SLC23A2: variants seen among roughly 807,000 people sequenced by gnomAD.
The protein encoded by SLC23A2 is solute carrier family 23 member 2, also known as Na(+)/L-ascorbic acid transporter 2.
Under a neutral mutation model 73.3 loss-of-function variants are expected in SLC23A2, and 36 were observed. The observed-to-expected ratio is 0.49, with a 90% CI of 0.38 to 0.65. SLC23A2 has a LOEUF of 0.65. Among genes scored for constraint, SLC23A2 ranks in the 30% least tolerant of loss-of-function variants. The pLI is 0.00. For synonymous variants in SLC23A2, 343 were observed against 327.3 expected, an observed-to-expected ratio of 1.05 and a Z score of -0.52; for missense variants, 507 against 841.6, an observed-to-expected ratio of 0.60 and a Z score of 4.92.
intron 6 of SLC23A2, among the ~76,000 whole-genome samples, chr20:4,889,612 A>C (rs1433548175): frequency 6.6e-6 from 1 of 151,174 alleles, no homozygotes. Flanking sequence ...GCCAGCCTGA[A>C]TCAGATCTCC....
At chr20:4,924,306 C>CA (rs912560221) in intron 3 of SLC23A2, among the ~76,000 whole-genome samples, 1 of 152,192 alleles carries the variant, frequency 6.6e-6, no homozygotes, top group African/African-American at 2.4e-5. Flanking sequence ...CCTCTGGAGT[C>CA]AGAGTTTCTC....
chr20:4,859,418 C>T (rs777671946), intron 15 of SLC23A2, 34 bp from the exon 16 acceptor site: 32 of 1,429,548 alleles, frequency 2.2e-5, no homozygotes, highest in Non-Finnish European at 3.1e-5. Context: ...ACGATCAGTG[C>T]CACAGCAGCG....
intron 1 of SLC23A2, among the ~76,000 whole-genome samples, chr20:4,989,936 G>C (rs907923111): frequency 2.0e-5 from 3 of 152,082 alleles, no homozygotes; most frequent in South Asian, 2.1e-4. Flanking sequence ...ACACACCAAA[G>C]GACTCCACTT....
chr20:4,877,530 T>C (rs562268588), intron 9 of SLC23A2, among the ~76,000 whole-genome samples: 40 of 152,278 alleles, frequency 2.6e-4, no homozygotes, highest in Admixed American at 4.6e-4. Context: ...TATAAAAATA[T>C]GTAAGGATAA....
chr20:4,929,955 T>G (rs190883798), intron 3 of SLC23A2, among the ~76,000 whole-genome samples: 3 of 152,076 alleles, frequency 2.0e-5, no homozygotes, highest in Non-Finnish European at 4.4e-5. Flanking sequence ...AAGACTAAGA[T>G]GGTGACCATC....
intron 6 of SLC23A2, among the ~76,000 whole-genome samples, chr20:4,895,740 A>T (rs1018782929): frequency 2.6e-5 from 4 of 152,140 alleles, no homozygotes; most frequent in African/African-American, 7.2e-5. Context: ...CCAAAATCTG[A>T]CTTTCACTTG....
At chr20:4,994,600 C>T (rs774501941) in intron 1 of SLC23A2, among the ~76,000 whole-genome samples, 19 of 151,892 alleles carry the variant, frequency 1.3e-4, no homozygotes, top group African/African-American at 3.6e-4. Context: ...CTGAACAATA[C>T]GGTGAAACCC....
intron 8 of SLC23A2, 126 bp downstream of exon 8, chr20:4,884,627 A>G: frequency 1.4e-6 from 1 of 730,044 alleles, no homozygotes; most frequent in Non-Finnish European, 2.5e-6. Flanking sequence ...CAAGAGAAAT[A>G]AACTATCAGT....
rs770041930 is a variant in SLC23A2 at position 4,902,421 on chromosome 20, A to G, written c.324+21T>C. 1 of 1,300,188 alleles carries G rather than the reference A, an allele frequency of 7.7e-7. No individual in the cohort carries two copies. The highest frequency in any genetic ancestry group is 1.2e-5 in the South Asian group (1 of 80,032). 80.5% of individuals were successfully genotyped at this position (1,300,188 alleles called of 1,614,324 possible). On this transcript the variant is annotated intron_variant, in intron 5 of 16. Transcript: ENST00000338244. The surrounding 1 kb of genome is among the most constrained non-coding windows in gnomAD (Gnocchi z 4.0). ...TGCAAACACCTGCTGGTAGTTACAC[A>G]TCCTACAGGAACCATCTTACCTGTA... is the stretch of plus-strand genomic sequence containing the variant.
rs1487909813 is a variant in SLC23A2 at position 4,958,790 on chromosome 20, A to G, written c.-155+12003T>C. On this transcript the variant is annotated intron_variant, in intron 2 of 16. Coordinates refer to ENST00000338244, the MANE Select transcript of SLC23A2 (RefSeq NM_005116.6). The stretch of plus-strand genomic sequence containing the variant: ...TTTACTATTTGGTTACCCTAACACA[A>G]TGCTCTGATTTTGAATTAAAGAGAA... Among the ~76,000 whole-genome samples, 41 of 152,120 alleles carry G rather than the reference A, an allele frequency of 2.7e-4. 1 individual carries two copies. Among genetic ancestry groups the G allele is most frequent in the Admixed American group, 2.7e-3 (41 of 15,262 alleles).
At chr20:4,878,808 GTTC>G (rs1329548482) in intron 9 of SLC23A2, among the ~76,000 whole-genome samples, 3 of 152,160 alleles carry the variant, frequency 2.0e-5, no homozygotes, top group Non-Finnish European at 4.4e-5. Context: ...TTCTGTTTCT[GTTC>G]TTCTTACTCT....
Position 4,870,069 on chromosome 20 carries a change from A to T in SLC23A2, c.1103-16T>A, listed in dbSNP as rs1191581646. On this transcript the variant is annotated splice_polypyrimidine_tract_variant and intron_variant, in intron 11 of 16. Transcript: ENST00000338244. ...CCCCACTGAACTGTGGGAGGAAAACAACCATGAATGCTCCTAGAGAGGCAG... is the reference window on the plus strand; with the variant it reads ...CCCCACTGAACTGTGGGAGGAAAACTACCATGAATGCTCCTAGAGAGGCAG... 7 of 1,581,190 alleles carry T rather than the reference A, an allele frequency of 4.4e-6. No homozygotes were observed. The highest frequency in any genetic ancestry group is 5.2e-6 in the Non-Finnish European group (6 of 1,163,286).
chr20:4,870,716 G>C (rs1156313050), intron 11 of SLC23A2, among the ~76,000 whole-genome samples: 3 of 152,186 alleles, frequency 2.0e-5, no homozygotes, highest in Non-Finnish European at 4.4e-5. Flanking sequence ...ATTTGTATGA[G>C]GGATTTATAG....
At chr20:4,934,727 G>C (rs373248701) in intron 2 of SLC23A2, among the ~76,000 whole-genome samples, 87 of 152,248 alleles carry the variant, frequency 5.7e-4, no homozygotes, top group African/African-American at 2.0e-3. Context: ...GCCAGGCGTG[G>C]TGGCAGGCGC....
intron 11 of SLC23A2, among the ~76,000 whole-genome samples, chr20:4,871,613 G>C (rs189912156): frequency 6.6e-6 from 1 of 152,324 alleles, no homozygotes; most frequent in African/African-American, 2.4e-5. Context: ...TAAGCCTGGA[G>C]TGCGGTTAAG....
At chr20:4,878,157 T>C (rs777179718) in intron 9 of SLC23A2, among the ~76,000 whole-genome samples, 3 of 152,142 alleles carry the variant, frequency 2.0e-5, no homozygotes, top group Non-Finnish European at 2.9e-5. Flanking sequence ...TTAGGGATGT[T>C]AGCCTTTCTT....
chr20:4,895,433 T>C (rs1931483372), intron 6 of SLC23A2, among the ~76,000 whole-genome samples: 1 of 152,220 alleles, frequency 6.6e-6, no homozygotes, highest in South Asian at 2.1e-4. Flanking sequence ...TGGATCTATC[T>C]AAGCAACTAG....
chr20:4,989,998 A>T (rs1037833630), intron 1 of SLC23A2, among the ~76,000 whole-genome samples: 2 of 152,062 alleles, frequency 1.3e-5, no homozygotes, highest in Non-Finnish European at 2.9e-5. Context: ...AAGAAATACT[A>T]CTACTTCCAA....
At chr20:4,961,767 T>C (rs2122185428) in intron 2 of SLC23A2, among the ~76,000 whole-genome samples, 1 of 152,282 alleles carries the variant, frequency 6.6e-6, no homozygotes, top group South Asian at 2.1e-4. Flanking sequence ...ACATCACTTC[T>C]AAAATATTGT....
Sources: gnomAD v4.1 joint callset for allele counts (sites outside exome capture counted in the v4.1 genomes callset) on GRCh38, gnomAD v4.1.1 for gene constraint, Gnocchi (gnomAD v3.1) non-coding constraint, MANE v1.5 for transcripts, NCBI Gene and HGNC (gene_info 2026-07-23, HGNC 2026-07-21) for gene names.